Variants in WDR12 observed in about 807,000 individuals in gnomAD.
WDR12 encodes the protein ribosome biogenesis protein WDR12.
In WDR12, 42 loss-of-function variants were observed where a neutral mutation model predicts 64.3. The ratio of observed to expected loss-of-function variants is 0.65; its 90% CI spans 0.51 to 0.84. The LOEUF (loss-of-function observed/expected upper bound fraction) is 0.84. Among genes scored for constraint, WDR12 ranks in the 40% least tolerant of loss-of-function variants. The pLI is 0.00. For synonymous variants in WDR12, 158 were observed against 173.3 expected, an observed-to-expected ratio of 0.91 and a Z score of 0.70; for missense variants, 469 against 494.6, an observed-to-expected ratio of 0.95 and a Z score of 0.49.
intron 1 of WDR12, among the ~76,000 whole-genome samples, chr2:202,909,475 G>A (rs1244579105): frequency 6.6e-6 from 1 of 152,166 alleles, no homozygotes; most frequent in Non-Finnish European, 1.5e-5. Flanking sequence ...AAAACGTCCA[G>A]AAGAGAGAAA....
intron 4 of WDR12, among the ~76,000 whole-genome samples, chr2:202,898,519 T>C (rs1412079555): frequency 1.3e-5 from 2 of 152,180 alleles, no homozygotes; most frequent in African/African-American, 2.4e-5. Flanking sequence ...AGGAGAAATA[T>C]AACTTTATGT....
At chr2:202,891,356 C>T (rs1407567299) in intron 8 of WDR12, among the ~76,000 whole-genome samples, 1 of 152,078 alleles carries the variant, frequency 6.6e-6, no homozygotes, top group African/African-American at 2.4e-5. Flanking sequence ...CACCATGTTG[C>T]CCAGGCTGCT....
chr2:202,894,501 C>T (rs1436123264), intron 7 of WDR12, 80 bp downstream of exon 7: 7 of 1,257,742 alleles, frequency 5.6e-6, no homozygotes, highest in Non-Finnish European at 7.7e-6. Context: ...AGATTATAGG[C>T]GTAAGCCACC....
intron 8 of WDR12, among the ~76,000 whole-genome samples, chr2:202,889,435 A>C (rs530315182): frequency 4.9e-4 from 75 of 152,304 alleles, no homozygotes; most frequent in Middle Eastern, 3.4e-3. Context: ...AGGTGGGAGG[A>C]CTGCTTCAGC....
At chr2:202,889,960 T>G (rs1315496519) in intron 8 of WDR12, among the ~76,000 whole-genome samples, 1 of 151,880 alleles carries the variant, frequency 6.6e-6, no homozygotes, top group African/African-American at 2.4e-5. Context: ...CTCAAGTCTG[T>G]AATCCCACCA....
At chr2:202,881,759 G>T (rs1213322401) in intron 12 of WDR12, among the ~76,000 whole-genome samples, 1 of 151,954 alleles carries the variant, frequency 6.6e-6, no homozygotes, top group South Asian at 2.1e-4. Context: ...ACATGGGGGC[G>T]GGAGGATTGC....
At chr2:202,902,451 A>C (rs905947601) in intron 2 of WDR12, among the ~76,000 whole-genome samples, 10 of 152,200 alleles carry the variant, frequency 6.6e-5, no homozygotes, top group Non-Finnish European at 1.3e-4. Context: ...GTGGAATGGA[A>C]GAGGCAGACC....
intron 8 of WDR12, among the ~76,000 whole-genome samples, chr2:202,885,314 C>T (rs926843393): frequency 9.2e-5 from 14 of 152,260 alleles, no homozygotes; most frequent in East Asian, 3.9e-4. Flanking sequence ...TAACGTGTTG[C>T]GTGTGTGCTC....
At chr2:202,885,501 T>C (rs983264513) in intron 8 of WDR12, among the ~76,000 whole-genome samples, 1 of 152,182 alleles carries the variant, frequency 6.6e-6, no homozygotes, top group African/African-American at 2.4e-5. Flanking sequence ...CACAAAAACC[T>C]TTGTGATCAG....
intron 5 of WDR12, among the ~76,000 whole-genome samples, chr2:202,896,991 A>C (rs750793100): frequency 1.3e-5 from 2 of 151,762 alleles, no homozygotes; most frequent in African/African-American, 2.4e-5. Flanking sequence ...TCTCAAAAAC[A>C]AAACAAAACA....
rs1443411046 is a variant in WDR12, at chr2:202,878,106, A to G, written c.*2754T>C. 1.3e-5 allele frequency: 2 copies of G among 152,186 alleles called. No homozygotes were observed. Among genetic ancestry groups the G allele is most frequent in the South Asian group, 2.1e-4 (1 of 4,832 alleles). 9.4% of individuals were successfully genotyped at this position (152,186 alleles called of 1,614,324 possible). On this transcript the variant is annotated 3_prime_UTR_variant, in exon 13 of 13. Coordinates refer to ENST00000261015, the MANE Select transcript of WDR12 (RefSeq NM_018256.4). The stretch of plus-strand genomic sequence containing the variant: ...TCCAAGAGACTTGGTCACTTACATT[A>G]TATCTATCTCAAGGAAGAATGCCTG...
At chr2:202,906,083 T>A (rs1688452556) in intron 2 of WDR12, among the ~76,000 whole-genome samples, 1 of 152,218 alleles carries the variant, frequency 6.6e-6, no homozygotes, top group Admixed American at 6.5e-5. Context: ...TCATTTACCC[T>A]GATGTGATTA....
intron 7 of WDR12, among the ~76,000 whole-genome samples, chr2:202,893,798 C>G (rs72934764): frequency 6.6e-6 from 1 of 152,074 alleles, no homozygotes; most frequent in Non-Finnish European, 1.5e-5. Flanking sequence ...ACCTTCCTCT[C>G]AAAGTCCTTC....
In WDR12 at chr2:202,911,524, AC is replaced by A; in HGVS notation, c.-49del. The A allele has an allele frequency of 6.3e-7, 1 of 1,575,812 alleles. No individual in the cohort carries two copies. The highest frequency in any genetic ancestry group is 8.7e-7 in the Non-Finnish European group (1 of 1,145,188). Reference sequence around the variant, plus strand: ...CCCACGGAAACGTACGGGTTAGCAGACCCACAACACGAAGCTCCTGCCTTTT... The same window carrying A: ...CCCACGGAAACGTACGGGTTAGCAGACCACAACACGAAGCTCCTGCCTTTT... On this transcript the variant is annotated 5_prime_UTR_variant, in exon 1 of 13. Coordinates refer to ENST00000261015, the MANE Select transcript of WDR12 (RefSeq NM_018256.4).
At chr2:202,891,703 T>C (rs1688159698) in intron 8 of WDR12, among the ~76,000 whole-genome samples, 1 of 152,252 alleles carries the variant, frequency 6.6e-6, no homozygotes, top group Non-Finnish European at 1.5e-5. Flanking sequence ...ATGTGTGCTT[T>C]ATTTACTGCA....
intron 3 of WDR12, among the ~76,000 whole-genome samples, 156 bp from the exon 4 acceptor site, chr2:202,899,793 T>C (rs1014733324): frequency 1.3e-5 from 2 of 152,188 alleles, no homozygotes; most frequent in African/African-American, 4.8e-5. Flanking sequence ...AGTCAAGAAC[T>C]TTATTTGACC....
chr2:202,882,660 A>T (rs753866012), intron 12 of WDR12, 51 bp downstream of exon 12: 6 of 1,561,848 alleles, frequency 3.8e-6, no homozygotes, highest in Admixed American at 1.7e-5. Context: ...CACAAACACC[A>T]GATTTATTCT....
intron 8 of WDR12, among the ~76,000 whole-genome samples, chr2:202,884,817 C>G (rs1340648964): frequency 1.3e-5 from 2 of 152,238 alleles, no homozygotes; most frequent in Non-Finnish European, 2.9e-5. Context: ...CCACTATATT[C>G]TGCTGCTCCT....
chr2:202,889,465 C>T (rs906278274), intron 8 of WDR12, among the ~76,000 whole-genome samples: 9 of 151,914 alleles, frequency 5.9e-5, no homozygotes, highest in African/African-American at 2.2e-4. Context: ...TGAGACAGCT[C>T]GGGCAACAAA....
Sources: gnomAD v4.1 joint callset for allele counts (sites outside exome capture counted in the v4.1 genomes callset) on GRCh38, gnomAD v4.1.1 for gene constraint, MANE v1.5 for transcripts, NCBI Gene and HGNC (gene_info 2026-07-23, HGNC 2026-07-21) for gene names.